The following SLIT1 variants were observed in gnomAD, a reference collection of about 807,000 sequenced individuals.
SLIT1 encodes slit guidance ligand 1.
SLIT1 carries 66 observed loss-of-function variants against 186.1 expected under a neutral mutation model. The observed-to-expected ratio is 0.35, with a 90% CI of 0.29 to 0.44. SLIT1 has a LOEUF of 0.44. Ranked by LOEUF, SLIT1 falls within the 20% of genes least tolerant of loss-of-function variation. SLIT1 has a pLI of 1.00. For synonymous variants in SLIT1, 761 were observed against 833.8 expected, an observed-to-expected ratio of 0.91 and a Z score of 1.50; for missense variants, 1,638 against 2,037.4, an observed-to-expected ratio of 0.80 and a Z score of 3.77.
At chr10:97,097,137 G>A (rs920091328) in intron 4 of SLIT1, among the ~76,000 whole-genome samples, 1 of 152,184 alleles carries the variant, frequency 6.6e-6, no homozygotes, top group South Asian at 2.1e-4. Context: ...CCACCCAAGC[G>A]CCTCCACGTC....
chr10:97,067,224 AG>A (rs1053177138), intron 4 of SLIT1, among the ~76,000 whole-genome samples: 5 of 151,886 alleles, frequency 3.3e-5, no homozygotes, highest in African/African-American at 1.2e-4. Flanking sequence ...CTGCGAGGGG[AG>A]GGGGCGCTGT....
intron 4 of SLIT1, among the ~76,000 whole-genome samples, chr10:97,087,748 C>G (rs1366725666): frequency 6.6e-6 from 1 of 152,154 alleles, no homozygotes; most frequent in African/African-American, 2.4e-5. Flanking sequence ...GGCCTCCACT[C>G]TAAGCTTGAG....
intron 4 of SLIT1, among the ~76,000 whole-genome samples, chr10:97,114,632 C>T (rs1256965867): frequency 6.6e-6 from 1 of 152,098 alleles, no homozygotes; most frequent in African/African-American, 2.4e-5. Context: ...GCACTCCAGC[C>T]TGGTGACAAA....
chr10:97,170,795 T>C (rs1850177956), intron 1 of SLIT1, among the ~76,000 whole-genome samples: 1 of 152,178 alleles, frequency 6.6e-6, no homozygotes, highest in Non-Finnish European at 1.5e-5. Flanking sequence ...AAGGATGTCT[T>C]GAATCCTCTC....
intron 4 of SLIT1, among the ~76,000 whole-genome samples, chr10:97,078,855 C>T (rs1242726592): frequency 2.0e-5 from 3 of 152,232 alleles, no homozygotes; most frequent in African/African-American, 4.8e-5. Flanking sequence ...TGGTGACCTG[C>T]TAGTCCTGGG....
At chr10:97,011,549 C>T (rs1030248388) in intron 30 of SLIT1, among the ~76,000 whole-genome samples, 9 of 152,116 alleles carry the variant, frequency 5.9e-5, no homozygotes, top group Non-Finnish European at 1.0e-4. Context: ...GTTCCACAGG[C>T]TCCCCCACTC....
At chr10:97,066,745 G>C (rs73320677) in intron 4 of SLIT1, among the ~76,000 whole-genome samples, 8,332 of 152,214 alleles carry the variant, frequency 0.055, 763 homozygotes, top group African/African-American at 0.19. Flanking sequence ...AATCACTTTT[G>C]TTATAAATTA....
chr10:97,019,251 GC>G, intron 26 of SLIT1, 144 bp from the exon 27 acceptor site: 1 of 617,306 alleles, frequency 1.6e-6, no homozygotes, highest in Non-Finnish European at 2.9e-6. Context: ...CACTCCCCTT[GC>G]ACTGCCCACC....
chr10:97,094,612 T>C (rs2134665447), intron 4 of SLIT1, among the ~76,000 whole-genome samples: 1 of 152,290 alleles, frequency 6.6e-6, no homozygotes, highest in Admixed American at 6.5e-5. Context: ...GGTTAAATAG[T>C]ATTCATAAGA....
At chr10:97,084,226 G>C (rs1411661179) in intron 4 of SLIT1, among the ~76,000 whole-genome samples, 4 of 152,296 alleles carry the variant, frequency 2.6e-5, no homozygotes, top group Non-Finnish European at 5.9e-5. Context: ...CTCTAGAAGG[G>C]GTGGAAATTT....
chr10:97,170,407 A>G (rs1850172171), intron 1 of SLIT1, among the ~76,000 whole-genome samples: 1 of 152,328 alleles, frequency 6.6e-6, no homozygotes, highest in African/African-American at 2.4e-5. Flanking sequence ...TACCTGCTGC[A>G]ATTATCTTTA....
intron 3 of SLIT1, 110 bp from the exon 4 acceptor site, chr10:97,157,999 T>C: frequency 1.2e-6 from 1 of 816,248 alleles, no homozygotes; most frequent in Non-Finnish European, 2.1e-6. Flanking sequence ...ATTCAAATCC[T>C]AACAGGGTCC....
intron 4 of SLIT1, among the ~76,000 whole-genome samples, chr10:97,094,827 G>T (rs1297563560): frequency 6.6e-6 from 1 of 152,182 alleles, no homozygotes; most frequent in Admixed American, 6.5e-5. Context: ...CATCTTATCA[G>T]TTTTTTCTCC....
At chr10:97,045,846 A>G (rs1373734901) in intron 18 of SLIT1, among the ~76,000 whole-genome samples, 1 of 152,224 alleles carries the variant, frequency 6.6e-6, no homozygotes, top group Non-Finnish European at 1.5e-5. Flanking sequence ...CAGATTTGGG[A>G]CTTATACCTG....
intron 25 of SLIT1, among the ~76,000 whole-genome samples, chr10:97,026,947 C>T (rs1264413391): frequency 6.6e-6 from 1 of 152,196 alleles, no homozygotes; most frequent in African/African-American, 2.4e-5. Context: ...GATGGCAGAA[C>T]AAGAACCTAA....
chr10:97,001,029 C>G lies in SLIT1; in HGVS notation c.*83G>C. The G allele has an allele frequency of 8.6e-7, 1 of 1,161,496 alleles. No homozygotes were observed. Among genetic ancestry groups the G allele is most frequent in the Non-Finnish European group, 1.3e-6 (1 of 795,794 alleles). 71.9% of individuals were successfully genotyped at this position (1,161,496 alleles called of 1,614,324 possible). On this transcript the variant is annotated 3_prime_UTR_variant, in exon 37 of 37. Coordinates refer to ENST00000266058, the MANE Select transcript of SLIT1 (RefSeq NM_003061.3). ...AGCCGTCCTGTGATGACCTGCACCCCAGCCCAGCTGCTGGCGACTGTCTCC... is the reference window on the plus strand; with the variant it reads ...AGCCGTCCTGTGATGACCTGCACCCGAGCCCAGCTGCTGGCGACTGTCTCC...
chr10:97,174,606 G>A lies in SLIT1; in HGVS notation c.198-9716C>T, dbSNP rs570883344. On this transcript the variant is annotated intron_variant, in intron 1 of 36. Coordinates refer to ENST00000266058, the MANE Select transcript of SLIT1 (RefSeq NM_003061.3). ...TGCTGCCGATCCACTCCACCCTTGC[G>A]CCTGGGCTCCTGGGGACCCATCTTG... 5.9e-5 allele frequency among the ~76,000 whole-genome samples: 9 copies of A among 152,334 alleles called. No homozygotes were observed. In the South Asian group the frequency reaches 6.2e-4, roughly 11 times the overall value.
chr10:97,138,957 A>G (rs914631524), intron 4 of SLIT1, among the ~76,000 whole-genome samples: 1 of 152,194 alleles, frequency 6.6e-6, no homozygotes, highest in African/African-American at 2.4e-5. Flanking sequence ...AACCCGCAGC[A>G]CCACCAGTCA....
chr10:97,037,682 C>T lies in SLIT1; in HGVS notation c.2366+16G>A, dbSNP rs368072590. 5.9e-5 allele frequency: 95 copies of T among 1,600,680 alleles called. No homozygotes were observed. Among genetic ancestry groups the T allele is most frequent in the Middle Eastern group, 1.7e-4 (1 of 6,022 alleles). ...TGCCAAAGGCCCTCCTGTCCTCAAG[C>T]GGCCTGGATACTTACACGAGCTGCA... On this transcript the variant is annotated intron_variant, in intron 22 of 36. Coordinates refer to ENST00000266058, the MANE Select transcript of SLIT1 (RefSeq NM_003061.3).
Sources: gnomAD v4.1 joint callset for allele counts (sites outside exome capture counted in the v4.1 genomes callset) on GRCh38, gnomAD v4.1.1 for gene constraint, MANE v1.5 for transcripts, NCBI Gene and HGNC (gene_info 2026-07-23, HGNC 2026-07-21) for gene names.